The following RBFOX1 variants were observed in gnomAD, a reference collection of about 807,000 sequenced individuals.
RBFOX1 encodes the protein RNA binding fox-1 homolog 1.
In RBFOX1, 8 loss-of-function variants were observed where a neutral mutation model predicts 57.7. The observed-to-expected ratio is 0.14, with a 90% CI of 0.08 to 0.25. The LOEUF (loss-of-function observed/expected upper bound fraction) is 0.25. RBFOX1 is among the 10% of genes least tolerant of loss of function. The pLI is 1.00. For missense variants in RBFOX1, 611 were observed against 548.5 expected (o/e 1.11, Z -1.14); for synonymous variants, 326 against 222.4 (o/e 1.47, Z -4.15).
chr16:6,827,563 A>G (rs2092309290), intron 3 of RBFOX1, among the ~76,000 whole-genome samples: 2 of 152,158 alleles, frequency 1.3e-5, no homozygotes, highest in Non-Finnish European at 2.9e-5. Context: ...CGCTTTCAAA[A>G]TAAAACTGAA....
At chr16:6,241,461 T>TAA (rs138569767) in intron 1 of RBFOX1, among the ~76,000 whole-genome samples, 80 of 151,454 alleles carry the variant, frequency 5.3e-4, no homozygotes, top group African/African-American at 1.8e-3. Context: ...TATAAATAGC[T>TAA]AAAAAAAAAT....
intron 3 of RBFOX1, among the ~76,000 whole-genome samples, chr16:7,040,364 G>A (rs928808307): frequency 1.3e-5 from 2 of 152,050 alleles, no homozygotes; most frequent in Non-Finnish European, 1.5e-5. Context: ...CTATGTGCCA[G>A]GCCAGATTTG....
intron 4 of RBFOX1, among the ~76,000 whole-genome samples, chr16:5,897,190 C>T (rs965989047): frequency 1.7e-4 from 26 of 151,876 alleles, no homozygotes; most frequent in African/African-American, 4.6e-4. Context: ...CGCCCGCCAC[C>T]GCGCCCGGCT....
At chr16:7,568,551 C>G (rs769749766) in intron 5 of RBFOX1, among the ~76,000 whole-genome samples, 3 of 152,056 alleles carry the variant, frequency 2.0e-5, no homozygotes, top group Admixed American at 6.6e-5. Flanking sequence ...TGTTTATTAC[C>G]TGTATCTTGT....
chr16:7,246,040 GATGA>G (rs1170194412), intron 4 of RBFOX1, among the ~76,000 whole-genome samples: 1 of 152,148 alleles, frequency 6.6e-6, no homozygotes, highest in African/African-American at 2.4e-5. Flanking sequence ...ACCCACCTTA[GATGA>G]ATGATTAATT....
At chr16:7,128,029 G>C (rs531337524) in intron 4 of RBFOX1, among the ~76,000 whole-genome samples, 1 of 152,312 alleles carries the variant, frequency 6.6e-6, no homozygotes, top group East Asian at 1.9e-4. Flanking sequence ...TCTTGGCTCA[G>C]CTTTTCAGTC....
intron 4 of RBFOX1, among the ~76,000 whole-genome samples, chr16:7,267,947 G>A (rs1026796668): frequency 1.3e-5 from 2 of 152,166 alleles, no homozygotes; most frequent in African/African-American, 4.8e-5. Context: ...CAGGGGTACC[G>A]CTCTGAGAAA....
intron 4 of RBFOX1, among the ~76,000 whole-genome samples, chr16:7,195,976 C>A (rs375291915): frequency 6.6e-6 from 1 of 151,740 alleles, no homozygotes; most frequent in Non-Finnish European, 1.5e-5. Context: ...CTATTTGTGG[C>A]AAGATCTAAG....
At chr16:6,865,653 A>G (rs988262082) in intron 3 of RBFOX1, among the ~76,000 whole-genome samples, 4 of 152,216 alleles carry the variant, frequency 2.6e-5, no homozygotes, top group African/African-American at 9.6e-5. Flanking sequence ...ATGACGTGTG[A>G]TGACAACGTA....
chr16:6,759,224 C>G (rs1230192329), intron 3 of RBFOX1, among the ~76,000 whole-genome samples: 1 of 151,194 alleles, frequency 6.6e-6, no homozygotes, highest in East Asian at 1.9e-4. Context: ...AACCTTAGCT[C>G]ACTGGAACCT....
At chr16:7,266,295 A>G (rs572904233) in intron 4 of RBFOX1, among the ~76,000 whole-genome samples, 1 of 151,926 alleles carries the variant, frequency 6.6e-6, no homozygotes, top group Non-Finnish European at 1.5e-5. Context: ...TGGTGATTTT[A>G]AAGTGTGTGG....
intron 2 of RBFOX1, among the ~76,000 whole-genome samples, chr16:6,572,686 G>A (rs1375187217): frequency 1.3e-5 from 2 of 151,776 alleles, no homozygotes; most frequent in Non-Finnish European, 2.9e-5. Context: ...TCTGCCTCCC[G>A]GGCTCAAGCG....
intron 1 of RBFOX1, among the ~76,000 whole-genome samples, chr16:6,299,337 A>G (rs1230003792): frequency 6.6e-6 from 1 of 152,238 alleles, no homozygotes; most frequent in Non-Finnish European, 1.5e-5. Flanking sequence ...GCTAAAGTTG[A>G]GCAGGCAGAT....
chr16:5,461,010 C>G (rs933744204), intron 1 of RBFOX1, among the ~76,000 whole-genome samples: 15 of 152,166 alleles, frequency 9.9e-5, no homozygotes, highest in African/African-American at 3.6e-4. Context: ...AAAGGAATGT[C>G]TGCAGAAATA....
intron 3 of RBFOX1, among the ~76,000 whole-genome samples, chr16:7,022,137 A>G (rs897353865): frequency 1.1e-4 from 16 of 144,692 alleles, no homozygotes; most frequent in Admixed American, 4.2e-4. Context: ...ATCTCCACTC[A>G]CTGCAACCTC....
chr16:6,262,574 A>G (rs2097707970), intron 1 of RBFOX1, among the ~76,000 whole-genome samples: 3 of 152,186 alleles, frequency 2.0e-5, no homozygotes, highest in African/African-American at 7.2e-5. Flanking sequence ...TGTCAACTGG[A>G]TTGCAACATC....
At chr16:7,641,715 A>G (rs149980153) in intron 11 of RBFOX1, among the ~76,000 whole-genome samples, 1 of 152,272 alleles carries the variant, frequency 6.6e-6, no homozygotes, top group East Asian at 1.9e-4. Flanking sequence ...TTCTTGAGCT[A>G]CAGCGTGACT....
chr16:6,998,801 C>T (rs779980323), intron 3 of RBFOX1, among the ~76,000 whole-genome samples: 1 of 152,030 alleles, frequency 6.6e-6, no homozygotes, highest in Non-Finnish European at 1.5e-5. Context: ...AAAATTCCTT[C>T]TGAGTACTTT....
intron 3 of RBFOX1, among the ~76,000 whole-genome samples, chr16:5,816,564 G>A (rs1047042667): frequency 3.3e-5 from 5 of 152,156 alleles, no homozygotes; most frequent in Admixed American, 6.5e-5. Context: ...TACTTTGGGA[G>A]GTTGAGCCCA....
Sources: gnomAD v4.1 joint callset for allele counts (sites outside exome capture counted in the v4.1 genomes callset) on GRCh38, gnomAD v4.1.1 for gene constraint, MANE v1.5 for transcripts, NCBI Gene and HGNC (gene_info 2026-07-23, HGNC 2026-07-21) for gene names.